The following BAIAP2L2 variants were observed in gnomAD, a reference collection of about 807,000 sequenced individuals.
BAIAP2L2 encodes BAR/IMD domain containing adaptor protein 2 like 2.
A neutral mutation model predicts 60.4 loss-of-function variants in BAIAP2L2; 65 were observed. That is an observed-to-expected ratio of 1.08 (90% CI 0.88 to 1.32). BAIAP2L2 has a LOEUF of 1.32. Among genes scored for constraint, BAIAP2L2 ranks in the 40% most tolerant of loss-of-function variants. The pLI is 0.00. For synonymous variants in BAIAP2L2, 344 were observed against 301.7 expected (o/e 1.14, Z -1.45); for missense variants, 836 against 741.2 (o/e 1.13, Z -1.48).
intron 4 of BAIAP2L2, among the ~76,000 whole-genome samples, chr22:38,100,654 T>G (rs1294400046): frequency 1.3e-5 from 2 of 152,230 alleles, no homozygotes; most frequent in African/African-American, 4.8e-5. Context: ...CCGCCATGAT[T>G]GTAAGCCTCC....
chr22:38,108,017 AT>A, intron 3 of BAIAP2L2, 104 bp from the exon 4 acceptor site: 2 of 1,246,468 alleles, frequency 1.6e-6, no homozygotes, highest in Non-Finnish European at 1.1e-6. Flanking sequence ...CCGAGACTGG[AT>A]TTTGGGACCA....
intron 4 of BAIAP2L2, among the ~76,000 whole-genome samples, chr22:38,101,186 C>G (rs1004860177): frequency 1.3e-5 from 2 of 151,832 alleles, no homozygotes; most frequent in African/African-American, 4.8e-5. Context: ...AGTTTCAAAA[C>G]CTTCCTTCAT....
intron 8 of BAIAP2L2, 139 bp downstream of exon 8, chr22:38,089,383 G>T (rs1208199579): frequency 5.1e-6 from 3 of 592,582 alleles, no homozygotes; most frequent in Non-Finnish European, 7.4e-6. Context: ...AACGCGCCGG[G>T]GCGGAAGGGC....
chr22:38,096,876 G>A (rs2413495), intron 7 of BAIAP2L2, among the ~76,000 whole-genome samples, 156 bp downstream of exon 7: 3,514 of 152,194 alleles, frequency 0.023, 111 homozygotes, highest in East Asian at 0.1. Flanking sequence ...AGAAACAAAG[G>A]AAGAAATGGA....
At chr22:38,110,053 G>GAC (rs138548667) in intron 1 of BAIAP2L2, among the ~76,000 whole-genome samples, 2 of 870 alleles carry the variant, frequency 2.3e-3, no homozygotes, top group African/African-American at 3.2e-3. Flanking sequence ...GAGAGACAGA[G>GAC]AGAGAGAGAG....
intron 6 of BAIAP2L2, among the ~76,000 whole-genome samples, chr22:38,097,417 T>C (rs994289936): frequency 4.6e-5 from 7 of 152,352 alleles, no homozygotes; most frequent in African/African-American, 1.7e-4. Flanking sequence ...GGCTGCTGTC[T>C]GAGCCTTCGC....
In BAIAP2L2 at chr22:38,089,101, G is replaced by A. The variant is rs1324477196; in HGVS notation, c.896C>T (p.Ser299Leu). 8 of 1,377,238 alleles carry A rather than the reference G, an allele frequency of 5.8e-6. No individual in the cohort carries two copies. Among genetic ancestry groups the A allele is most frequent in the Non-Finnish European group, 7.5e-6 (8 of 1,071,690 alleles). 85.3% of individuals were successfully genotyped at this position (1,377,238 alleles called of 1,614,324 possible). A position where few individuals can be genotyped will look rare whatever the true frequency, so the allele number is the denominator to read the frequency against. Residue 299 changes from serine (S) to leucine (L), a missense_variant, in exon 9 of 14, where the codon TCG becomes TTG. Coordinates refer to ENST00000381669, the MANE Select transcript of BAIAP2L2 (RefSeq NM_025045.6). The stretch of plus-strand genomic sequence containing the variant: ...CCCGGGGCGGGGGCACTCACAGGCC[G>A]ACGGCGTGCGGGGCAGGGAGCGACG... ...PDRRSLPRTP[S>L]ASSLYSGSAQ... is the part of the protein sequence containing the mutation.
At chr22:38,110,307 G>C (rs921865158) in intron 1 of BAIAP2L2, among the ~76,000 whole-genome samples, 168 bp downstream of exon 1, 2 of 151,792 alleles carry the variant, frequency 1.3e-5, no homozygotes, top group South Asian at 4.2e-4. Flanking sequence ...ATGGCTGAGT[G>C]CTCTCGGGGA....
rs572931361 is a variant in BAIAP2L2 at position 38,085,202 on chromosome 22, G to A, written c.*98C>T. The A allele has an allele frequency of 6.4e-5, 87 of 1,356,678 alleles. No homozygotes were observed. Among genetic ancestry groups the A allele is most frequent in the Admixed American group, 2.1e-4 (11 of 51,426 alleles). The allele number at this position is 1,356,678 out of a possible 1,614,324, so 84.0% of individuals were successfully genotyped here. A position where few individuals can be genotyped will look rare whatever the true frequency, so the allele number is the denominator to read the frequency against. ...CAGCCACCCCCCGTCTCAGGGACCC[G>A]CTTCTTGGATCTGCTGCTGTTGCTG... On this transcript the variant is annotated 3_prime_UTR_variant, in exon 14 of 14. Transcript: ENST00000381669.
intron 4 of BAIAP2L2, among the ~76,000 whole-genome samples, chr22:38,099,276 G>A (rs1038580119): frequency 3.3e-5 from 5 of 152,180 alleles, no homozygotes; most frequent in Non-Finnish European, 7.4e-5. Flanking sequence ...GCTTACGCCT[G>A]TAATCCCAGC....
intron 1 of BAIAP2L2, among the ~76,000 whole-genome samples, chr22:38,109,968 G>C (rs1298322757): frequency 6.8e-6 from 1 of 147,152 alleles, no homozygotes; most frequent in Non-Finnish European, 1.5e-5. Context: ...ATAAATGTCT[G>C]TGGCGGCTGC....
chr22:38,088,094 G>C (rs1304188926), intron 10 of BAIAP2L2, among the ~76,000 whole-genome samples: 1 of 152,228 alleles, frequency 6.6e-6, no homozygotes, highest in African/African-American at 2.4e-5. Flanking sequence ...TGCAGCAGGA[G>C]TGGGCACCGT....
chr22:38,107,782 G>A (rs2086694355), intron 4 of BAIAP2L2, 70 bp downstream of exon 4: 2 of 1,440,300 alleles, frequency 1.4e-6, no homozygotes, highest in Admixed American at 1.7e-5. Flanking sequence ...CTGGTAGGCT[G>A]GGCCCTCTCC....
At chr22:38,098,552 C>A (rs1602017926) in intron 4 of BAIAP2L2, 70 bp from the exon 5 acceptor site, 17 of 1,316,706 alleles carry the variant, frequency 1.3e-5, no homozygotes, top group Non-Finnish European at 1.6e-5. Context: ...CCCCCTTGCA[C>A]TTTCTGCTAT....
At chr22:38,105,482 G>A in intron 4 of BAIAP2L2, among the ~76,000 whole-genome samples, 1 of 151,830 alleles carries the variant, frequency 6.6e-6, no homozygotes, top group East Asian at 1.9e-4. Context: ...TGGGATTACA[G>A]GCGCCCGCCA....
At chr22:38,088,637 C>G in intron 10 of BAIAP2L2, 111 bp downstream of exon 10, 1 of 1,136,792 alleles carries the variant, frequency 8.8e-7, no homozygotes, top group Non-Finnish European at 1.2e-6. Flanking sequence ...GAGCATTGTC[C>G]GAGGCCCCCG....
chr22:38,088,465 C>T (rs973649643), intron 10 of BAIAP2L2, among the ~76,000 whole-genome samples: 1 of 152,214 alleles, frequency 6.6e-6, no homozygotes, highest in African/African-American at 2.4e-5. Flanking sequence ...GGTGCTCAAG[C>T]AATAGGATTT....
intron 7 of BAIAP2L2, chr22:38,090,863 A>G (rs758627612): frequency 2.0e-5 from 3 of 152,164 alleles, no homozygotes; most frequent in Non-Finnish European, 4.4e-5. Flanking sequence ...CTCACGTCAA[A>G]CTCAGGCAGC....
At chr22:38,092,210 G>A (rs1264034701) in intron 7 of BAIAP2L2, among the ~76,000 whole-genome samples, 1 of 152,240 alleles carries the variant, frequency 6.6e-6, no homozygotes, top group Non-Finnish European at 1.5e-5. Flanking sequence ...AATTAGCGAA[G>A]ATGAATAAGA....
Sources: gnomAD v4.1 joint callset for allele counts (sites outside exome capture counted in the v4.1 genomes callset) on GRCh38, gnomAD v4.1.1 for gene constraint, MANE v1.5 for transcripts, NCBI Gene and HGNC (gene_info 2026-07-23, HGNC 2026-07-21) for gene names.